FBXO4: variants seen among roughly 807,000 people sequenced by gnomAD.
FBXO4 encodes F-box only protein 4.
FBXO4 carries 36 observed loss-of-function variants against 43.7 expected under a neutral mutation model. The ratio of observed to expected loss-of-function variants is 0.82; its 90% CI spans 0.63 to 1.09. The LOEUF (loss-of-function observed/expected upper bound fraction) is 1.09. FBXO4 is among the 50% of genes least tolerant of loss of function. The pLI is 0.00. For missense variants in FBXO4, 435 were observed against 474.1 expected, an observed-to-expected ratio of 0.92 and a Z score of 0.77; for synonymous variants, 180 against 165.6, an observed-to-expected ratio of 1.09 and a Z score of -0.67.
chr5:41,964,923 A>G, the FBXO4 span, among the ~76,000 whole-genome samples: 5 of 152,010 alleles, frequency 3.3e-5, no homozygotes, highest in African/African-American at 9.7e-5. Flanking sequence ...TTTTGTTGCC[A>G]TTGCTTTTGG....
chr5:41,960,390 A>T, the FBXO4 span, among the ~76,000 whole-genome samples: 15 of 152,246 alleles, frequency 9.9e-5, no homozygotes, highest in Non-Finnish European at 5.9e-5. Context: ...TACTATATTG[A>T]ACAGAAGTGT....
At chr5:42,013,198 G>A in the FBXO4 span, among the ~76,000 whole-genome samples, 6 of 152,058 alleles carry the variant, frequency 3.9e-5, no homozygotes, top group South Asian at 8.3e-4. Flanking sequence ...CAGCTACTAG[G>A]GAGGCTGGGA....
At chr5:41,988,359 A>G in the FBXO4 span, among the ~76,000 whole-genome samples, 1 of 152,140 alleles carries the variant, frequency 6.6e-6, no homozygotes, top group Non-Finnish European at 1.5e-5. Flanking sequence ...TTTAGGAAGA[A>G]GGGAATGCTC....
the FBXO4 span, among the ~76,000 whole-genome samples, chr5:42,021,474 G>T: frequency 6.6e-6 from 1 of 152,082 alleles, no homozygotes; most frequent in Non-Finnish European, 1.5e-5. Context: ...GAATGGTATG[G>T]AATCTACAAT....
the FBXO4 span, among the ~76,000 whole-genome samples, chr5:41,995,204 G>A: frequency 8.5e-5 from 13 of 152,204 alleles, no homozygotes; most frequent in East Asian, 1.9e-4. Flanking sequence ...AGGCAATGCT[G>A]TGTGGAATAC....
chr5:41,925,455 G>A lies in FBXO4; in HGVS notation c.146G>A (p.Arg49Gln), dbSNP rs1014714146. Residue 49 changes from arginine (R) to glutamine (Q), a missense_variant, in exon 1 of 7, where the codon CGG (arginine) becomes CAG (glutamine). Transcript: ENST00000281623. ...GAGAGGGTGGCGCGTACGACCTCAC[G>A]GGAGGAGGTGGATGAGGCGGCCAGC... is the stretch of plus-strand genomic sequence containing the variant. ...SKERVARTTS[R>Q]EEVDEAASTL... The A allele has an allele frequency of 1.1e-5, 15 of 1,344,070 alleles. No individual in the cohort carries two copies. Among genetic ancestry groups the A allele is most frequent in the Non-Finnish European group, 1.2e-5 (13 of 1,040,754 alleles). 83.3% of individuals were successfully genotyped at this position (1,344,070 alleles called of 1,614,324 possible).
intron 2 of FBXO4, 78 bp downstream of exon 2, chr5:41,927,326 G>A (rs1166493777): frequency 4.8e-6 from 5 of 1,046,088 alleles, no homozygotes; most frequent in Admixed American, 2.5e-5. Flanking sequence ...AGTTAATCCT[G>A]ACCCTGCTAC....
At chr5:41,944,263 G>A (rs1019332412), downstream of FBXO4, among the ~76,000 whole-genome samples, 9 of 152,084 alleles carry the variant, frequency 5.9e-5, no homozygotes, top group South Asian at 2.1e-4. Context: ...TAAAATAAGC[G>A]TTTACTAAAA....
the FBXO4 span, among the ~76,000 whole-genome samples, chr5:41,992,445 C>T: frequency 1.3e-5 from 2 of 152,120 alleles, no homozygotes; most frequent in East Asian, 1.9e-4. Flanking sequence ...TTTACCCTTA[C>T]CTTCCATTGC....
chr5:41,949,708 A>G, the FBXO4 span, among the ~76,000 whole-genome samples: 1 of 152,216 alleles, frequency 6.6e-6, no homozygotes, highest in Non-Finnish European at 1.5e-5. Flanking sequence ...GATTTGGAAA[A>G]AACTACTTTA....
In FBXO4 at chr5:41,934,215, C is replaced by G; in HGVS notation, c.805C>G (p.Gln269Glu). 6.2e-7 allele frequency: 1 copy of G among 1,614,064 alleles called. No individual in the cohort carries two copies. The highest frequency in any genetic ancestry group is 8.5e-7 in the Non-Finnish European group (1 of 1,180,000). ...TCGACACAATGAAGGTGATGATCAA[C>G]AAGGAAGCCGGTACAGTGTGATTCC... ...FSRHNEGDDQ[Q>E]GSRYSVIPQI... Residue 269 changes from glutamine (Q) to glutamate (E), a missense_variant, in exon 5 of 7, where the codon CAA becomes GAA. Physicochemically the swap from Gln to Glu is conservative, Grantham distance 29. Transcript: ENST00000281623.
chr5:42,015,101 C>T, the FBXO4 span, among the ~76,000 whole-genome samples: 1 of 152,074 alleles, frequency 6.6e-6, no homozygotes, highest in Non-Finnish European at 1.5e-5. Flanking sequence ...GCAGAGGGGG[C>T]ATTATTTGCA....
the FBXO4 span, among the ~76,000 whole-genome samples, chr5:42,031,014 T>G: frequency 1.3e-5 from 2 of 152,182 alleles, no homozygotes; most frequent in African/African-American, 2.4e-5. Context: ...TTGGTGGGAC[T>G]GTAAACTAGT....
chr5:42,039,505 T>C, the FBXO4 span, among the ~76,000 whole-genome samples: 1 of 152,046 alleles, frequency 6.6e-6, no homozygotes, highest in Non-Finnish European at 1.5e-5. Flanking sequence ...CTTTCTCCTC[T>C]GTCAGTAATG....
At chr5:42,031,097 C>T in the FBXO4 span, among the ~76,000 whole-genome samples, 1 of 152,158 alleles carries the variant, frequency 6.6e-6, no homozygotes, top group Admixed American at 6.5e-5. Flanking sequence ...ACCCAGCCAT[C>T]CCATTACTGG....
the FBXO4 span, among the ~76,000 whole-genome samples, chr5:42,005,958 A>G: frequency 2.0e-5 from 3 of 151,990 alleles, no homozygotes; most frequent in East Asian, 3.9e-4. Flanking sequence ...CCTAACATTT[A>G]CTGATGAAGC....
the FBXO4 span, among the ~76,000 whole-genome samples, chr5:41,965,554 T>C: frequency 6.6e-6 from 1 of 152,142 alleles, no homozygotes; most frequent in African/African-American, 2.4e-5. Flanking sequence ...TCCTCTTTTA[T>C]TTCATGAAAA....
At chr5:42,000,599 T>A in the FBXO4 span, among the ~76,000 whole-genome samples, 1 of 152,242 alleles carries the variant, frequency 6.6e-6, no homozygotes, top group Non-Finnish European at 1.5e-5. Flanking sequence ...TGCAATCTAA[T>A]TTTCCTGTTT....
the FBXO4 span, among the ~76,000 whole-genome samples, chr5:41,992,086 A>AAT: frequency 4.9e-4 from 75 of 151,896 alleles, no homozygotes; most frequent in South Asian, 2.1e-4. Context: ...CTCATAAAAA[A>AAT]ATATATATAT....
Sources: allele counts gnomAD v4.1 joint callset (sites outside exome capture counted in the v4.1 genomes callset), GRCh38; gene constraint gnomAD v4.1.1; transcripts MANE v1.5; gene names NCBI Gene and HGNC (gene_info 2026-07-23, HGNC 2026-07-21).